Variants in AGL observed in about 807,000 individuals in gnomAD.
The protein encoded by AGL is amylo-alpha-1,6-glucosidase and 4-alpha-glucanotransferase.
Under a neutral mutation model 199.3 loss-of-function variants are expected in AGL, and 128 were observed. The ratio of observed to expected loss-of-function variants is 0.64; its 90% confidence interval spans 0.56 to 0.74. The LOEUF (loss-of-function observed/expected upper bound fraction) is 0.74. Among genes scored for constraint, AGL ranks in the 30% least tolerant of loss-of-function variants. The pLI is 0.00. For synonymous variants in AGL, 584 were observed against 594.7 expected (o/e 0.98, Z 0.26); for missense variants, 1,809 against 1,820.8 (o/e 0.99, Z 0.12).
intron 7 of AGL, 127 bp from the exon 8 acceptor site, chr1:99,874,560 T>C (rs1651334707): frequency 3.3e-6 from 3 of 920,094 alleles, no homozygotes; most frequent in Admixed American, 4.2e-5. Context: ...GGTAGGAGGA[T>C]ACCTGTGAAA....
intron 2 of AGL, among the ~76,000 whole-genome samples, chr1:99,857,874 CTTT>C (rs1408073623): frequency 2.5e-5 from 2 of 79,524 alleles, no homozygotes; most frequent in Non-Finnish European, 4.9e-5. Context: ...GGGCTCTTTT[CTTT>C]TCTCTCTACC....
intron 8 of AGL, 65 bp from the exon 9 acceptor site, chr1:99,875,089 A>AGTTTTTAAAT: frequency 7.1e-7 from 1 of 1,410,988 alleles, no homozygotes; most frequent in Admixed American, 1.8e-5. Flanking sequence ...TTTGTTAGAA[A>AGTTTTTAAAT]GTTTTTAAAT....
intron 5 of AGL, among the ~76,000 whole-genome samples, chr1:99,869,774 C>T (rs1221440553): frequency 6.6e-6 from 1 of 151,892 alleles, no homozygotes; most frequent in Non-Finnish European, 1.5e-5. Flanking sequence ...TTTTAAAGAT[C>T]AAACAAATTC....
At chr1:99,900,491 A>G (rs532558136) in intron 25 of AGL, 145 bp from the exon 26 acceptor site, 10 of 746,968 alleles carry the variant, frequency 1.3e-5, no homozygotes, top group East Asian at 2.7e-5. Context: ...CTATCATACT[A>G]TGACTACTTT....
At chr1:99,905,940 G>GTTTT (rs1654252333) in intron 27 of AGL, among the ~76,000 whole-genome samples, 1 of 151,754 alleles carries the variant, frequency 6.6e-6, no homozygotes, top group Admixed American at 6.6e-5. Flanking sequence ...GTTTTGTTTT[G>GTTTT]TTTTTACTAT....
chr1:99,868,331 G>A (rs1426783076), intron 5 of AGL, among the ~76,000 whole-genome samples: 6 of 152,142 alleles, frequency 3.9e-5, no homozygotes, highest in Non-Finnish European at 7.3e-5. Flanking sequence ...AAAAATTGGG[G>A]ACGGGTGGAG....
rs598488 is a variant in AGL at position 99,879,087 on chromosome 1, C to A, written c.1612-836C>A. Among the ~76,000 whole-genome samples the A allele has an allele frequency of 6.5e-3, 984 of 152,080 alleles. 14 individuals carry two copies. The highest frequency in any genetic ancestry group is 0.023 in the African/African-American group (950 of 41,480). ...ATAATAAACAGCTAGATAGATAGCA[C>A]CAGTGTTAAACGTAAATCACACAAG... is the stretch of plus-strand genomic sequence containing the variant. On this transcript the variant is annotated intron_variant, in intron 12 of 33. Coordinates refer to ENST00000361915, the MANE Select transcript of AGL (RefSeq NM_000642.3).
At position 99,902,711 on chromosome 1, in the gene AGL, A is replaced by G; in HGVS notation, c.3617A>G (p.Glu1206Gly). 1.2e-6 allele frequency: 2 copies of G among 1,613,496 alleles called. No homozygotes were observed. The highest frequency in any genetic ancestry group is 1.7e-6 in the Non-Finnish European group (2 of 1,179,512). The change falls in exon 27 of 34, where the codon GAA (glutamate) becomes GGA (glycine). Residue 1206 changes from glutamate (E) to glycine (G), a missense_variant. Glu to Gly is a moderately conservative substitution (Grantham distance 98). Coordinates refer to ENST00000361915, the MANE Select transcript of AGL (RefSeq NM_000642.3). Reference protein sequence around the residue: ...LDQPLFEVIQEAMQKHMQGIQ... With the variant: ...LDQPLFEVIQGAMQKHMQGIQ... ...CAGCCATTGTTTGAAGTCATACAGGAAGCAATGCAAAAACACATGCAGGGC... is the reference window on the plus strand; with the variant it reads ...CAGCCATTGTTTGAAGTCATACAGGGAGCAATGCAAAAACACATGCAGGGC...
Position 99,888,094 on chromosome 1 carries a change from A to T in AGL, c.2798A>T (p.Tyr933Phe), listed in dbSNP as rs756888005. 2 of 1,613,246 alleles carry T rather than the reference A, an allele frequency of 1.2e-6. No homozygotes were observed. The change falls in exon 21 of 34, where the codon TAT becomes TTT. Residue 933 changes from tyrosine to phenylalanine, a missense_variant. Physicochemically the swap from Tyr to Phe is conservative, Grantham distance 22. Transcript: ENST00000361915. Reference sequence around the variant, plus strand: ...ATACCAAACTGGTCAGCCCTTAAATATGCAGGTCTTCAAGGTAAGCAAATG... The same window carrying T: ...ATACCAAACTGGTCAGCCCTTAAATTTGCAGGTCTTCAAGGTAAGCAAATG... ...YDIPNWSALK[Y>F]AGLQGLMSVL...
In AGL at chr1:99,913,555, G is replaced by A. The variant is rs1372237275; in HGVS notation, c.3978G>A (p.Glu1326=). The A allele has an allele frequency of 6.2e-6, 10 of 1,613,780 alleles. No individual in the cohort carries two copies. Among genetic ancestry groups the A allele is most frequent in the African/African-American group, 5.3e-5 (4 of 74,908 alleles). Residue 1326 remains glutamate, a synonymous_variant, in exon 30 of 34, where the codon GAG becomes GAA. Coordinates refer to ENST00000361915, the MANE Select transcript of AGL (RefSeq NM_000642.3). ...HGKAIKVSYD[E]WNRKIQDNFE... ...AGGCTATAAAGGTCTCATATGATGA[G>A]TGGAACAGAAAAATACAAGACAACT... is the stretch of plus-strand genomic sequence containing the variant.
intron 2 of AGL, among the ~76,000 whole-genome samples, chr1:99,860,029 C>A (rs1649905969): frequency 1.3e-5 from 2 of 151,946 alleles, no homozygotes. Flanking sequence ...ATACTTTTCT[C>A]AAAAAATCTA....
In AGL at chr1:99,910,840, A is replaced by G; in HGVS notation, c.3829A>G (p.Thr1277Ala). ...AGCTAGAAACAGAGGAATCCCAGCC[A>G]CACCAAGGTAGTGTAAATGTTATAA... ...DRARNRGIPATPRDGSAVEIV... is the reference protein window; with the variant it reads ...DRARNRGIPAAPRDGSAVEIV... The change falls in exon 28 of 34, where the codon ACA (threonine) becomes GCA (alanine). Residue 1277 changes from threonine (T) to alanine (A), a missense_variant. By Grantham distance (58) the Thr-to-Ala change is moderately conservative. Transcript: ENST00000361915. The G allele has an allele frequency of 6.2e-7, 1 of 1,612,752 alleles. No individual in the cohort carries two copies. Among genetic ancestry groups the G allele is most frequent in the Non-Finnish European group, 8.5e-7 (1 of 1,179,112 alleles).
At chr1:99,874,849 C>T (rs932110476) in intron 8 of AGL, 39 bp downstream of exon 8, 2 of 1,598,236 alleles carry the variant, frequency 1.3e-6, no homozygotes, top group African/African-American at 1.3e-5. Flanking sequence ...AATAATATTA[C>T]TTACAAACCT....
At chr1:99,885,884 T>A (rs979084076) in intron 20 of AGL, among the ~76,000 whole-genome samples, 1 of 152,152 alleles carries the variant, frequency 6.6e-6, no homozygotes, top group Non-Finnish European at 1.5e-5. Context: ...TGCACTTGAA[T>A]CATCCCAAAA....
At chr1:99,892,373 A>G (rs1419312142) in intron 23 of AGL, 59 bp from the exon 24 acceptor site, 2 of 1,508,208 alleles carry the variant, frequency 1.3e-6, no homozygotes, top group Non-Finnish European at 9.2e-7. Flanking sequence ...AACCAAGTAA[A>G]ATAAAACTGC....
At chr1:99,870,136 T>C (rs910077103) in intron 5 of AGL, among the ~76,000 whole-genome samples, 2 of 152,134 alleles carry the variant, frequency 1.3e-5, no homozygotes, top group South Asian at 2.1e-4. Context: ...ACAAAAGTGT[T>C]ACCTATGAGA....
chr1:99,911,436 T>C (rs1384083850), intron 28 of AGL, among the ~76,000 whole-genome samples: 2 of 152,196 alleles, frequency 1.3e-5, no homozygotes, highest in Non-Finnish European at 2.9e-5. Flanking sequence ...AGAAGTTATT[T>C]TCTTATTCTA....
chr1:99,887,201 G>T (rs1652516722), intron 20 of AGL, among the ~76,000 whole-genome samples: 1 of 152,152 alleles, frequency 6.6e-6, no homozygotes, highest in Non-Finnish European at 1.5e-5. Flanking sequence ...ACATAAAATA[G>T]CAGTCATGTA....
chr1:99,861,053 T>G (rs948688532), intron 2 of AGL, among the ~76,000 whole-genome samples: 135 of 152,308 alleles, frequency 8.9e-4, no homozygotes, highest in African/African-American at 3.2e-3. Context: ...CCATGGTAGC[T>G]CCCAAGTTTT....
Sources: allele counts gnomAD v4.1 joint callset (sites outside exome capture counted in the v4.1 genomes callset), GRCh38; gene constraint gnomAD v4.1.1; transcripts MANE v1.5; gene names NCBI Gene and HGNC (gene_info 2026-07-23, HGNC 2026-07-21).